ZRANB3: variants seen among roughly 807,000 people sequenced by gnomAD.
ZRANB3 encodes zinc finger RANBP2-type containing 3.
A neutral mutation model predicts 133.8 loss-of-function variants in ZRANB3; 125 were observed. The ratio of observed to expected loss-of-function variants is 0.93; its 90% CI spans 0.81 to 1.08. ZRANB3 has a LOEUF of 1.08. Among genes scored for constraint, ZRANB3 ranks in the 50% least tolerant of loss-of-function variants. The probability of loss-of-function intolerance (pLI) is 0.00; values close to 1 mark genes in which losing one functional copy is unlikely to be tolerated. For synonymous variants in ZRANB3, 387 were observed against 432.7 expected (o/e 0.89, Z 1.31); for missense variants, 1,229 against 1,275.5 (o/e 0.96, Z 0.56).
At chr2:135,482,961 T>G (rs1328701365) in intron 2 of ZRANB3, among the ~76,000 whole-genome samples, 2 of 151,992 alleles carry the variant, frequency 1.3e-5, no homozygotes, top group African/African-American at 4.8e-5. Context: ...ATCCCAGGGA[T>G]GAAGCCCACT....
intron 3 of ZRANB3, among the ~76,000 whole-genome samples, chr2:135,372,606 T>A (rs1686233286): frequency 1.3e-5 from 2 of 151,666 alleles, no homozygotes; most frequent in Non-Finnish European, 1.5e-5. Flanking sequence ...GCTAACATGG[T>A]GAAACCCGTC....
rs1694362455 is a variant in ZRANB3 at position 135,217,550 on chromosome 2, T to G, written c.2410A>C (p.Arg804=). The part of the protein sequence containing the change: ...SLTAMKQRII[R]KSGQLFCSPI... ...CTACAGAATAGCTGTCCACTTTTCC[T>G]GATTATCCTTTGCTTCATGGCAGTT... Residue 804 remains arginine, a synonymous_variant, in exon 17 of 21, where the codon AGG becomes CGG. Coordinates refer to ENST00000264159, the MANE Select transcript of ZRANB3 (RefSeq NM_032143.4). 1 of 1,613,852 alleles carries G rather than the reference T, an allele frequency of 6.2e-7. No individual in the cohort carries two copies.
intron 2 of ZRANB3, among the ~76,000 whole-genome samples, chr2:135,396,987 G>A (rs1170051410): frequency 6.6e-6 from 1 of 151,872 alleles, no homozygotes; most frequent in Non-Finnish European, 1.5e-5. Flanking sequence ...TATTAGCCAG[G>A]TGTGTTATCC....
In ZRANB3 at chr2:135,233,587, C is replaced by T. The variant is rs532767477; in HGVS notation, c.1540-2660G>A. Reference sequence around the variant, plus strand: ...AAAGGGAAGCCCATCAGACTAACAGCGGATCTCTTGGCAGAAACTCTACAA... The same window carrying T: ...AAAGGGAAGCCCATCAGACTAACAGTGGATCTCTTGGCAGAAACTCTACAA... On this transcript the variant is annotated intron_variant, in intron 12 of 20. Coordinates refer to ENST00000264159, the MANE Select transcript of ZRANB3 (RefSeq NM_032143.4). Among the ~76,000 whole-genome samples, 307 of 152,302 alleles carry T rather than the reference C, an allele frequency of 2.0e-3. 1 individual carries two copies. The highest frequency in any genetic ancestry group is 7.0e-3 in the African/African-American group (290 of 41,574).
chr2:135,340,230 T>A (rs576472234), intron 6 of ZRANB3, among the ~76,000 whole-genome samples: 6 of 151,468 alleles, frequency 4.0e-5, no homozygotes, highest in African/African-American at 1.2e-4. Context: ...CTCAGCCTCC[T>A]GAGTAGCTGG....
chr2:135,239,421 A>AG (rs1695452047), intron 12 of ZRANB3, among the ~76,000 whole-genome samples: 1 of 151,368 alleles, frequency 6.6e-6, no homozygotes, highest in Admixed American at 6.6e-5. Context: ...AAAAATCAAA[A>AG]AAAAAAGGAA....
chr2:135,368,183 G>A (rs1171306082), intron 3 of ZRANB3, among the ~76,000 whole-genome samples: 1 of 151,862 alleles, frequency 6.6e-6, no homozygotes, highest in East Asian at 1.9e-4. Flanking sequence ...CTTTAATTTT[G>A]TAGAATCAGT....
At chr2:135,426,010 T>C (rs762402727) in intron 2 of ZRANB3, among the ~76,000 whole-genome samples, 5 of 151,972 alleles carry the variant, frequency 3.3e-5, no homozygotes, top group Non-Finnish European at 7.4e-5. Flanking sequence ...AAAGAGGACA[T>C]TACCATTGAC....
chr2:135,204,778 T>C (rs1280204560), intron 19 of ZRANB3, among the ~76,000 whole-genome samples: 2 of 116,186 alleles, frequency 1.7e-5, no homozygotes, highest in African/African-American at 3.2e-5. Context: ...TATATATACT[T>C]ATATATATAC....
chr2:135,482,606 A>T (rs991439078), intron 2 of ZRANB3, among the ~76,000 whole-genome samples: 4 of 152,108 alleles, frequency 2.6e-5, no homozygotes, highest in East Asian at 3.9e-4. Flanking sequence ...AATGCCCTTT[A>T]TTTCCTTCTC....
At chr2:135,306,087 CTT>C (rs1409014558) in intron 8 of ZRANB3, among the ~76,000 whole-genome samples, 1 of 152,132 alleles carries the variant, frequency 6.6e-6, no homozygotes, top group Admixed American at 6.6e-5. Flanking sequence ...TTTGATAAGT[CTT>C]TGAGCTTCCT....
chr2:135,419,392 ATGTGTGTG>A (rs576960303), intron 2 of ZRANB3, among the ~76,000 whole-genome samples: 1 of 150,060 alleles, frequency 6.7e-6, no homozygotes, highest in Admixed American at 6.7e-5. Context: ...GTGTGTGTTT[ATGTGTGTG>A]TGTGTGTGTA....
chr2:135,277,556 T>C (rs959051159), intron 8 of ZRANB3, among the ~76,000 whole-genome samples: 1 of 151,782 alleles, frequency 6.6e-6, no homozygotes, highest in Non-Finnish European at 1.5e-5. Flanking sequence ...CTATCAGAAA[T>C]GAAAAATATA....
At chr2:135,364,122 A>C (rs1573979613) in intron 3 of ZRANB3, among the ~76,000 whole-genome samples, 1 of 151,084 alleles carries the variant, frequency 6.6e-6, no homozygotes, top group Non-Finnish European at 1.5e-5. Flanking sequence ...GGGAAGGAAG[A>C]AGGGAAGGAA....
intron 2 of ZRANB3, among the ~76,000 whole-genome samples, chr2:135,412,224 C>G (rs1688338844): frequency 6.6e-6 from 1 of 151,914 alleles, no homozygotes; most frequent in South Asian, 2.1e-4. Flanking sequence ...ATCAAAACAA[C>G]TAGATTAAAT....
intron 1 of ZRANB3, among the ~76,000 whole-genome samples, chr2:135,514,365 T>C (rs535960858): frequency 6.6e-6 from 1 of 152,326 alleles, no homozygotes; most frequent in Non-Finnish European, 1.5e-5. Flanking sequence ...ACCTCCATTG[T>C]AAGTTGTATT....
intron 8 of ZRANB3, among the ~76,000 whole-genome samples, chr2:135,295,493 C>A (rs1330294414): frequency 6.6e-6 from 1 of 152,136 alleles, no homozygotes; most frequent in African/African-American, 2.4e-5. Flanking sequence ...GATGGGTTTC[C>A]TGAATACAGC....
chr2:135,201,477 AC>A (rs779480039), intron 20 of ZRANB3, among the ~76,000 whole-genome samples: 59 of 151,776 alleles, frequency 3.9e-4, no homozygotes, highest in Non-Finnish European at 5.9e-4. Context: ...ACATGGTGAA[AC>A]CCCGTCTCTA....
At chr2:135,420,091 T>TTATATATATATATATATATATA (rs201217358) in intron 2 of ZRANB3, among the ~76,000 whole-genome samples, 58 of 72,432 alleles carry the variant, frequency 8.0e-4, no homozygotes, top group South Asian at 2.4e-3. Context: ...TATCTTAGAT[T>TTATATATATATATATATATATA]TATATATATA....
Sources: allele counts gnomAD v4.1 joint callset (sites outside exome capture counted in the v4.1 genomes callset), GRCh38; gene constraint gnomAD v4.1.1; transcripts MANE v1.5; gene names NCBI Gene and HGNC (gene_info 2026-07-23, HGNC 2026-07-21).